The following CALN1 variants were observed in gnomAD, a reference collection of about 807,000 sequenced individuals.
CALN1 encodes calneuron 1.
A neutral mutation model predicts 30.6 loss-of-function variants in CALN1; 17 were observed. The observed-to-expected ratio is 0.56, with a 90% CI of 0.38 to 0.83. The LOEUF is 0.83. Ranked by LOEUF, CALN1 falls within the 40% of genes least tolerant of loss-of-function variation. CALN1 has a pLI of 0.00. For synonymous variants in CALN1, 156 were observed against 131.4 expected, an observed-to-expected ratio of 1.19 and a Z score of -1.28; for missense variants, 291 against 354.9, an observed-to-expected ratio of 0.82 and a Z score of 1.45.
intron 1 of CALN1, among the ~76,000 whole-genome samples, chr7:72,443,715 C>A (rs1264328587): frequency 6.6e-6 from 1 of 151,866 alleles, no homozygotes; most frequent in Non-Finnish European, 1.5e-5. Flanking sequence ...CACTATTTAG[C>A]CCCCATCCCT....
rs1221076201 is a variant in CALN1 at position 71,782,418 on chromosome 7, C to G, written c.*5357G>C. On this transcript the variant is annotated 3_prime_UTR_variant, in exon 7 of 7. Transcript: ENST00000395275. ...AAGCTTTCTGAGGTCTCACCAGAAG[C>G]CAAGCAGATGTTGATACCTTGCTCA... 3 of 152,200 alleles carry G rather than the reference C, an allele frequency of 2.0e-5. No homozygotes were observed. The highest frequency in any genetic ancestry group is 2.0e-4 in the Admixed American group (3 of 15,282). 9.4% of individuals were successfully genotyped at this position (152,200 alleles called of 1,614,324 possible).
rs372002767 is a variant in CALN1, at chr7:72,393,465, AAAAAC to A, written c.119+9781_119+9785del. ...GGAGAGAGAGCAAGACTCCGTCTCAAAAAACAAAACAAACAAAAAAACTAGCATTC... is the reference window on the plus strand; with the variant it reads ...GGAGAGAGAGCAAGACTCCGTCTCAAAAAACAAACAAAAAAACTAGCATTC... On this transcript the variant is annotated intron_variant, in intron 2 of 6. Transcript: ENST00000395275. 1.8e-4 allele frequency among the ~76,000 whole-genome samples: 27 copies of A among 152,308 alleles called. No individual in the cohort carries two copies. The East Asian group carries it at 2.5e-3, about 14-fold the overall frequency.
intron 2 of CALN1, among the ~76,000 whole-genome samples, chr7:72,394,455 A>G (rs945002268): frequency 1.3e-5 from 2 of 152,232 alleles, no homozygotes; most frequent in Non-Finnish European, 2.9e-5. Flanking sequence ...CTGTGAGAAC[A>G]AAAACAGAGC....
At chr7:72,028,566 G>A (rs1265307218) in intron 4 of CALN1, among the ~76,000 whole-genome samples, 3 of 152,204 alleles carry the variant, frequency 2.0e-5, no homozygotes, top group Non-Finnish European at 4.4e-5. Flanking sequence ...ACTATGGCGT[G>A]GAGTACACGT....
intron 5 of CALN1, among the ~76,000 whole-genome samples, chr7:72,006,008 T>C (rs1799754547): frequency 6.6e-6 from 1 of 152,230 alleles, no homozygotes; most frequent in Admixed American, 6.5e-5. Flanking sequence ...AAATCTCAGT[T>C]ATGATATTGT....
At position 72,197,097 on chromosome 7, in the gene CALN1, G is replaced by A. The variant is rs190366010; in HGVS notation, c.244+81589C>T. The stretch of plus-strand genomic sequence containing the variant: ...AGTTTGGCCAGAAGTCATTTGGATT[G>A]CCCTAATTTCTTATTGCTTAATTTG... On this transcript the variant is annotated intron_variant, in intron 3 of 6. Transcript: ENST00000395275. 2.6e-3 allele frequency among the ~76,000 whole-genome samples: 387 copies of A among 150,918 alleles called. 3 individuals carry two copies. The highest frequency in any genetic ancestry group is 0.017 in the Middle Eastern group (5 of 290).
chr7:72,120,307 T>C (rs1808289975), intron 3 of CALN1, among the ~76,000 whole-genome samples: 1 of 152,326 alleles, frequency 6.6e-6, no homozygotes, highest in South Asian at 2.1e-4. Context: ...ATGCTCTCTA[T>C]ATAGCTTTAT....
intron 3 of CALN1, among the ~76,000 whole-genome samples, chr7:72,118,961 C>G (rs1448126075): frequency 6.6e-6 from 1 of 152,104 alleles, no homozygotes; most frequent in Admixed American, 6.5e-5. Context: ...AATCAAAAGA[C>G]AGATTTCAAG....
chr7:72,273,219 G>A (rs964798596), intron 3 of CALN1, among the ~76,000 whole-genome samples: 1 of 152,208 alleles, frequency 6.6e-6, no homozygotes, highest in East Asian at 1.9e-4. Context: ...AGATCACAAG[G>A]TCAGGAGTTC....
intron 3 of CALN1, among the ~76,000 whole-genome samples, chr7:72,117,957 C>CAAA (rs35965942): frequency 2.9e-5 from 3 of 103,730 alleles, no homozygotes; most frequent in Admixed American, 2.1e-4. Flanking sequence ...GACACCGTCT[C>CAAA]AAAAAAAAAA....
At chr7:71,868,591 C>T (rs145933312) in intron 5 of CALN1, among the ~76,000 whole-genome samples, 8 of 152,058 alleles carry the variant, frequency 5.3e-5, no homozygotes, top group African/African-American at 1.7e-4. Flanking sequence ...GGGTTGGTCT[C>T]GAACTCCTGA....
At chr7:72,203,977 C>T (rs868210319) in intron 3 of CALN1, among the ~76,000 whole-genome samples, 104 of 92,270 alleles carry the variant, frequency 1.1e-3, no homozygotes, top group African/African-American at 5.4e-3. Flanking sequence ...AGAGGCCTCT[C>T]TCTTTTTTTT....
intron 4 of CALN1, among the ~76,000 whole-genome samples, chr7:72,045,115 T>G (rs76092433): frequency 1.3e-5 from 2 of 152,334 alleles, no homozygotes; most frequent in South Asian, 4.1e-4. Context: ...AAGCTGAAGA[T>G]AGTCATCCAT....
At chr7:71,900,331 A>G (rs1347171149) in intron 5 of CALN1, among the ~76,000 whole-genome samples, 1 of 152,252 alleles carries the variant, frequency 6.6e-6, no homozygotes, top group African/African-American at 2.4e-5. Flanking sequence ...TATCAAGAGA[A>G]AGAAAGACAC....
At chr7:72,105,781 G>A (rs1807050626) in intron 4 of CALN1, among the ~76,000 whole-genome samples, 3 of 101,344 alleles carry the variant, frequency 3.0e-5, no homozygotes, top group South Asian at 9.6e-4. Context: ...GGAGGAGGAG[G>A]AGGAGGGGGG....
intron 2 of CALN1, among the ~76,000 whole-genome samples, chr7:72,379,678 A>T (rs1804776399): frequency 6.6e-6 from 1 of 152,248 alleles, no homozygotes; most frequent in African/African-American, 2.4e-5. Context: ...CTCAATGAGG[A>T]GTTTTCTTCA....
intron 3 of CALN1, among the ~76,000 whole-genome samples, chr7:72,173,913 A>G (rs971593601): frequency 1.3e-5 from 2 of 152,186 alleles, no homozygotes; most frequent in Non-Finnish European, 2.9e-5. Flanking sequence ...AGTATGAATC[A>G]TAACACAAAA....
At chr7:72,203,949 A>C (rs985557092) in intron 3 of CALN1, among the ~76,000 whole-genome samples, 137 of 142,220 alleles carry the variant, frequency 9.6e-4, no homozygotes, top group African/African-American at 3.5e-3. Context: ...AGCATTTCCC[A>C]TGCATAGCCT....
At chr7:72,032,796 C>T (rs539798192) in intron 4 of CALN1, among the ~76,000 whole-genome samples, 100 of 152,264 alleles carry the variant, frequency 6.6e-4, no homozygotes, top group Admixed American at 9.1e-4. Context: ...ACAGGTCGTT[C>T]ACAGAGAACC....
Sources: allele counts gnomAD v4.1 joint callset (sites outside exome capture counted in the v4.1 genomes callset), GRCh38; gene constraint gnomAD v4.1.1; transcripts MANE v1.5; gene names NCBI Gene and HGNC (gene_info 2026-07-23, HGNC 2026-07-21).